MIPOL1: variants seen among roughly 807,000 people sequenced by gnomAD.
MIPOL1 encodes mirror-image polydactyly 1.
Under a neutral mutation model 60.9 loss-of-function variants are expected in MIPOL1, and 57 were observed. The ratio of observed to expected loss-of-function variants is 0.94; its 90% CI spans 0.76 to 1.17. MIPOL1 has a LOEUF of 1.17. Ranked by LOEUF, MIPOL1 falls within the 50% of genes most tolerant of loss-of-function variation. The pLI is 0.00. For missense variants in MIPOL1, 551 were observed against 511.6 expected, an observed-to-expected ratio of 1.08 and a Z score of -0.74; for synonymous variants, 179 against 168.8, an observed-to-expected ratio of 1.06 and a Z score of -0.47.
At chr14:37,372,663 G>A (rs1296853698) in intron 10 of MIPOL1, among the ~76,000 whole-genome samples, 1 of 151,446 alleles carries the variant, frequency 6.6e-6, no homozygotes, top group Non-Finnish European at 1.5e-5. Flanking sequence ...ACTGAGGCAG[G>A]AGAATTGCTT....
chr14:37,481,018 G>A (rs1370426130), intron 11 of MIPOL1, among the ~76,000 whole-genome samples: 1 of 152,122 alleles, frequency 6.6e-6, no homozygotes, highest in Non-Finnish European at 1.5e-5. Flanking sequence ...GCACATGCCT[G>A]TAGTCCTAGC....
intron 1 of MIPOL1, among the ~76,000 whole-genome samples, chr14:37,224,447 C>G (rs1969358565): frequency 6.6e-6 from 1 of 152,204 alleles, no homozygotes; most frequent in Non-Finnish European, 1.5e-5. Flanking sequence ...GGAGAGGCCT[C>G]ACAATCGTGG....
chr14:37,411,096 T>C (rs371254524), intron 10 of MIPOL1, among the ~76,000 whole-genome samples: 30 of 152,158 alleles, frequency 2.0e-4, no homozygotes, highest in African/African-American at 7.2e-4. Flanking sequence ...ATAAAATAGA[T>C]TGAAATTTAA....
At chr14:37,369,405 A>AT in intron 9 of MIPOL1, 112 bp from the exon 10 acceptor site, 1 of 614,138 alleles carries the variant, frequency 1.6e-6, no homozygotes, top group East Asian at 3.0e-5. Flanking sequence ...GTTGCAAAAA[A>AT]AAAACCTTGT....
intron 9 of MIPOL1, among the ~76,000 whole-genome samples, chr14:37,327,322 C>G (rs768783652): frequency 6.6e-6 from 1 of 151,838 alleles, no homozygotes; most frequent in Non-Finnish European, 1.5e-5. Flanking sequence ...GGTTCTCGCT[C>G]TGTTGCCCAG....
chr14:37,351,992 T>G (rs2091433275), intron 9 of MIPOL1, among the ~76,000 whole-genome samples: 1 of 131,730 alleles, frequency 7.6e-6, no homozygotes, highest in African/African-American at 2.8e-5. Flanking sequence ...GCCTATGTCC[T>G]GAATGGTAAT....
In MIPOL1 at chr14:37,550,439, T is replaced by A. The variant is rs1224402545; in HGVS notation, c.*3468T>A. 6.6e-6 allele frequency: 1 copy of A among 151,440 alleles called. No individual in the cohort carries two copies. Among genetic ancestry groups the A allele is most frequent in the East Asian group, 1.9e-4 (1 of 5,194 alleles). 9.4% of individuals were successfully genotyped at this position (151,440 alleles called of 1,614,324 possible). A position where few individuals can be genotyped will look rare whatever the true frequency, so the allele number is the denominator to read the frequency against. On this transcript the variant is annotated 3_prime_UTR_variant, in exon 13 of 13. Transcript: ENST00000684589. ...GTTTGGAACCCAAATTTTTTACTGA[T>A]TTTATTGTGTTGTTGGTAACTAGTA...
At chr14:37,542,360 T>C (rs963117446) in intron 12 of MIPOL1, among the ~76,000 whole-genome samples, 6 of 152,140 alleles carry the variant, frequency 3.9e-5, no homozygotes, top group African/African-American at 1.4e-4. Context: ...CCTTTTTTAT[T>C]TCTTCTCTCT....
At chr14:37,530,931 C>CTT in intron 12 of MIPOL1, among the ~76,000 whole-genome samples, 1 of 151,906 alleles carries the variant, frequency 6.6e-6, no homozygotes, top group Non-Finnish European at 1.5e-5. Flanking sequence ...AATTCTCCTG[C>CTT]CTCAGCCCCC....
chr14:37,431,607 C>G lies in MIPOL1; in HGVS notation c.1031+8658C>G, dbSNP rs533150453. Among the ~76,000 whole-genome samples, 259 of 92,500 alleles carry G rather than the reference C, an allele frequency of 2.8e-3. 1 individual carries two copies. The highest frequency in any genetic ancestry group is 0.011 in the African/African-American group (248 of 23,376). 60.7% of individuals were successfully genotyped at this position (92,500 alleles called of 152,430 possible). ...TTTTTTTTTTTTTTTGAGACAGAGT[C>G]TTGCTCTGTCGCCCAGGCTGGAGTG... On this transcript the variant is annotated intron_variant, in intron 11 of 12. Transcript: ENST00000684589.
intron 9 of MIPOL1, among the ~76,000 whole-genome samples, chr14:37,312,720 A>G (rs985819109): frequency 1.3e-5 from 2 of 152,114 alleles, no homozygotes; most frequent in African/African-American, 4.8e-5. Flanking sequence ...AGTCTTTCAT[A>G]TAATTAATTT....
intron 9 of MIPOL1, among the ~76,000 whole-genome samples, chr14:37,366,103 T>G (rs2092461171): frequency 6.6e-6 from 1 of 151,972 alleles, no homozygotes; most frequent in Admixed American, 6.6e-5. Context: ...TCCTTTTTTC[T>G]TAGTCTGGCT....
chr14:37,417,192 G>A lies in MIPOL1; in HGVS notation c.937-5663G>A, dbSNP rs190101881. On this transcript the variant is annotated intron_variant, in intron 10 of 12. Transcript: ENST00000684589. ...ATCACCATTGCTGCACTGTCTTTCT[G>A]GCATACATCTCTCTCCCCTGCCTTT... is the stretch of plus-strand genomic sequence containing the variant. Among the ~76,000 whole-genome samples the A allele has an allele frequency of 3.3e-5, 5 of 152,198 alleles. No individual in the cohort carries two copies. In the East Asian group the frequency reaches 9.7e-4, roughly 29 times the overall value.
chr14:37,423,118 C>T (rs1160266044), intron 11 of MIPOL1, among the ~76,000 whole-genome samples, 169 bp downstream of exon 11: 1 of 151,718 alleles, frequency 6.6e-6, no homozygotes, highest in African/African-American at 2.4e-5. Context: ...TATTATTCTA[C>T]CTCTTCTCTT....
chr14:37,251,551 T>C (rs34172996), intron 3 of MIPOL1, among the ~76,000 whole-genome samples: 5,962 of 151,474 alleles, frequency 0.039, 271 homozygotes, highest in African/African-American at 0.11. Context: ...GGGTTCTCTT[T>C]TGAAAAAAAA....
intron 6 of MIPOL1, among the ~76,000 whole-genome samples, chr14:37,271,724 T>C (rs528136180): frequency 2.0e-5 from 3 of 151,898 alleles, no homozygotes; most frequent in South Asian, 2.1e-4. Context: ...TTTATAATCA[T>C]GTATAAATAT....
rs367788632 is a variant in MIPOL1, at chr14:37,216,124, A to G, written c.-199+18020A>G. Among the ~76,000 whole-genome samples, 28 of 152,208 alleles carry G rather than the reference A, an allele frequency of 1.8e-4. 1 individual carries two copies. In the South Asian group the frequency reaches 5.6e-3, roughly 30 times the overall value. On this transcript the variant is annotated intron_variant, in intron 1 of 12. Coordinates refer to ENST00000684589, the MANE Select transcript of MIPOL1 (RefSeq NM_001388067.1). ...GAAAGAGCTATTCTATACCAACAGA[A>G]ACCAGAAAGGAGCTAGTTATATCAG...
At chr14:37,247,937 C>T (rs764811738) in intron 3 of MIPOL1, 30 bp downstream of exon 3, 2 of 1,608,524 alleles carry the variant, frequency 1.2e-6, no homozygotes, top group South Asian at 2.2e-5. Context: ...TAATACCAAG[C>T]CCCAGGTGTT....
At chr14:37,544,825 A>G (rs76940654) in intron 12 of MIPOL1, among the ~76,000 whole-genome samples, 5,985 of 152,356 alleles carry the variant, frequency 0.039, 403 homozygotes, top group African/African-American at 0.14. Context: ...ACATTGCAAA[A>G]CATGATATTT....
Sources: gnomAD v4.1 joint callset for allele counts (sites outside exome capture counted in the v4.1 genomes callset) on GRCh38, gnomAD v4.1.1 for gene constraint, MANE v1.5 for transcripts, NCBI Gene and HGNC (gene_info 2026-07-23, HGNC 2026-07-21) for gene names.